The following XRN2 variants were observed in gnomAD, a reference collection of about 807,000 sequenced individuals.
The protein encoded by XRN2 is DHM1-like protein.
Under a neutral mutation model 138.5 loss-of-function variants are expected in XRN2, and 44 were observed. The observed-to-expected ratio is 0.32, with a 90% confidence interval of 0.25 to 0.41. XRN2 has a LOEUF of 0.41. XRN2 is among the 10% of genes least tolerant of loss of function. XRN2 has a pLI of 1.00. For missense variants in XRN2, 937 were observed against 1,169.3 expected, an observed-to-expected ratio of 0.80 and a Z score of 2.90; for synonymous variants, 354 against 369.4, an observed-to-expected ratio of 0.96 and a Z score of 0.48.
intron 16 of XRN2, among the ~76,000 whole-genome samples, chr20:21,344,968 C>T (rs2038417934): frequency 1.3e-5 from 2 of 152,186 alleles, no homozygotes; most frequent in Non-Finnish European, 2.9e-5. Flanking sequence ...TCACCTACAG[C>T]TCATGCTTCT....
chr20:21,348,891 C>A, intron 19 of XRN2, among the ~76,000 whole-genome samples: 1 of 152,162 alleles, frequency 6.6e-6, no homozygotes, highest in Non-Finnish European at 1.5e-5. Flanking sequence ...GATCTGCCCA[C>A]CTCGGCCTCC....
At chr20:21,338,549 T>C (rs1459330476) in intron 13 of XRN2, among the ~76,000 whole-genome samples, 1 of 152,192 alleles carries the variant, frequency 6.6e-6, no homozygotes, top group Non-Finnish European at 1.5e-5. Flanking sequence ...TTTTCTCCAT[T>C]GTGCCATGCA....
chr20:21,382,046 A>G lies in XRN2; in HGVS notation c.2637A>G (p.Gln879=), dbSNP rs1269290406. ...WRGPPPLFQQ[Q]RFDRGVGAEP... ...GTCCTCCTCCCCTTTTCCAGCAGCA[A>G]AGGTTTGACAGGTAATATTAAAAGT... Residue 879 remains glutamine, a synonymous_variant, in exon 28 of 30, where the codon CAA becomes CAG. Coordinates refer to ENST00000377191, the MANE Select transcript of XRN2 (RefSeq NM_012255.5). 1 of 1,555,266 alleles carries G rather than the reference A, an allele frequency of 6.4e-7. No individual in the cohort carries two copies. Among genetic ancestry groups the G allele is most frequent in the Non-Finnish European group, 8.6e-7 (1 of 1,160,078 alleles).
At chr20:21,387,556 G>A (rs1451341937) in intron 29 of XRN2, among the ~76,000 whole-genome samples, 3 of 152,074 alleles carry the variant, frequency 2.0e-5, no homozygotes, top group Non-Finnish European at 2.9e-5. Flanking sequence ...ATAATTCCTA[G>A]ACAAATTTAG....
rs1406140522 is a variant in XRN2 at position 21,379,382 on chromosome 20, A to G, written c.2585-2612A>G. On this transcript the variant is annotated intron_variant, in intron 27 of 29. Coordinates refer to ENST00000377191, the MANE Select transcript of XRN2 (RefSeq NM_012255.5). Reference sequence around the variant, plus strand: ...TGCTTTATGAATACTTCCAGGTTATATATGTTACTAAGAGCCATATGAAGA... The same window carrying G: ...TGCTTTATGAATACTTCCAGGTTATGTATGTTACTAAGAGCCATATGAAGA... 5.3e-5 allele frequency among the ~76,000 whole-genome samples: 8 copies of G among 152,328 alleles called. 1 individual carries two copies. In the East Asian group the frequency reaches 1.5e-3, roughly 29 times the overall value.
At chr20:21,314,783 G>A (rs547341149) in intron 1 of XRN2, among the ~76,000 whole-genome samples, 8 of 152,172 alleles carry the variant, frequency 5.3e-5, no homozygotes, top group South Asian at 4.1e-4. Flanking sequence ...CCACATTTTT[G>A]CTGTGAAGCA....
chr20:21,311,567 T>C (rs1366122726), intron 1 of XRN2, among the ~76,000 whole-genome samples: 7 of 152,226 alleles, frequency 4.6e-5, no homozygotes, highest in African/African-American at 1.7e-4. Flanking sequence ...CTTTCAGTTC[T>C]TTTGAGTATG....
rs376700481 is a variant in XRN2 at position 21,333,546 on chromosome 20, T to C, written c.861T>C (p.His287=). The part of the protein sequence containing the change: ...EGLPREKKGK[H]DELADSLPCA... ...CATCTTCATTCCTGTTCTTGCAGCA[T>C]GATGAACTTGCCGATAGTCTTCCTT... The change falls in exon 10 of 30, where the codon CAT becomes CAC. Residue 287 remains histidine, a splice_region_variant and synonymous_variant. Transcript: ENST00000377191. 1.2e-5 allele frequency: 20 copies of C among 1,612,532 alleles called. No individual in the cohort carries two copies. The highest frequency in any genetic ancestry group is 2.2e-5 in the South Asian group (2 of 91,058).
intron 4 of XRN2, 92 bp downstream of exon 4, chr20:21,328,762 T>C: frequency 8.9e-7 from 1 of 1,126,018 alleles, no homozygotes; most frequent in Non-Finnish European, 1.3e-6. Context: ...AGAGGCAAGC[T>C]TTTAATTTAA....
chr20:21,381,466 T>C lies in XRN2; in HGVS notation c.2585-528T>C, dbSNP rs148857692. On this transcript the variant is annotated intron_variant, in intron 27 of 29. Transcript: ENST00000377191. ...AAAACTATCAGAAAAGATGGAGAAG[T>C]GGGTGGTCCCTTCATTAATGTGTTT... is the stretch of plus-strand genomic sequence containing the variant. Among the ~76,000 whole-genome samples the C allele has an allele frequency of 3.2e-3, 492 of 152,352 alleles. 2 individuals carry two copies. Among genetic ancestry groups the C allele is most frequent in the African/African-American group, 0.011 (475 of 41,592 alleles).
chr20:21,364,584 G>T (rs367967762), intron 24 of XRN2, among the ~76,000 whole-genome samples: 1 of 152,102 alleles, frequency 6.6e-6, no homozygotes, highest in African/African-American at 2.4e-5. Flanking sequence ...AGGTGGGTGG[G>T]TCTTATGAGT....
At position 21,332,453 on chromosome 20, in the gene XRN2, A is replaced by T. The variant is rs2038225782; in HGVS notation, c.858+13A>T. On this transcript the variant is annotated intron_variant, in intron 9 of 29. Coordinates refer to ENST00000377191, the MANE Select transcript of XRN2 (RefSeq NM_012255.5). ...AAAGAAGGGAAAGGTAAGAACTTTG[A>T]GATGGTAGTTGCCTCATTAAAAAAA... is the stretch of plus-strand genomic sequence containing the variant. The T allele has an allele frequency of 6.3e-7, 1 of 1,575,490 alleles. No homozygotes were observed. Among genetic ancestry groups the T allele is most frequent in the African/African-American group, 1.4e-5 (1 of 71,044 alleles).
At chr20:21,384,486 C>T (rs1194071928) in intron 28 of XRN2, among the ~76,000 whole-genome samples, 2 of 152,042 alleles carry the variant, frequency 1.3e-5, no homozygotes, top group African/African-American at 4.8e-5. Context: ...TATTTATTAA[C>T]TTCTTTTATT....
intron 1 of XRN2, among the ~76,000 whole-genome samples, chr20:21,308,385 G>A (rs970940355): frequency 6.6e-6 from 1 of 152,108 alleles, no homozygotes; most frequent in African/African-American, 2.4e-5. Flanking sequence ...TGAAATGGTT[G>A]GATTGTATAT....
At chr20:21,375,779 C>T (rs2038813472) in intron 27 of XRN2, among the ~76,000 whole-genome samples, 1 of 151,468 alleles carries the variant, frequency 6.6e-6, no homozygotes, top group South Asian at 2.1e-4. Flanking sequence ...ATGAGAATGT[C>T]TAATATCCCA....
chr20:21,355,146 A>G (rs1315249538), intron 21 of XRN2, among the ~76,000 whole-genome samples: 3 of 152,224 alleles, frequency 2.0e-5, no homozygotes, highest in Non-Finnish European at 2.9e-5. Flanking sequence ...TTTGATTCTT[A>G]TATGACATGC....
Position 21,381,876 on chromosome 20 carries a change from T to G in XRN2, c.2585-118T>G, listed in dbSNP as rs2038889008. 6.7e-6 allele frequency: 5 copies of G among 744,868 alleles called. No individual in the cohort carries two copies. The South Asian group carries it at 1.4e-4, about 20-fold the overall frequency. 46.1% of individuals were successfully genotyped at this position (744,868 alleles called of 1,614,324 possible). A position where few individuals can be genotyped will look rare whatever the true frequency, so the allele number is the denominator to read the frequency against. On this transcript the variant is annotated intron_variant, in intron 27 of 29. Coordinates refer to ENST00000377191, the MANE Select transcript of XRN2 (RefSeq NM_012255.5). ...GGTGTGTGTTATTATGATACTAGTT[T>G]ATTTGGTTTACAGTCTTTCTCAGAT... is the stretch of plus-strand genomic sequence containing the variant.
chr20:21,331,345 A>G (rs573370430), intron 6 of XRN2, among the ~76,000 whole-genome samples: 1 of 152,030 alleles, frequency 6.6e-6, no homozygotes, highest in South Asian at 2.1e-4. Context: ...TCTCTCACAC[A>G]CACACACCCC....
intron 6 of XRN2, 37 bp downstream of exon 6, chr20:21,330,742 G>A (rs1385230481): frequency 1.3e-6 from 2 of 1,564,000 alleles, no homozygotes; most frequent in East Asian, 2.2e-5. Context: ...AAAGATTAGG[G>A]TGATCATTCG....
Sources: gnomAD v4.1 joint callset for allele counts (sites outside exome capture counted in the v4.1 genomes callset) on GRCh38, gnomAD v4.1.1 for gene constraint, MANE v1.5 for transcripts, NCBI Gene and HGNC (gene_info 2026-07-23, HGNC 2026-07-21) for gene names.